Variants in PCDH15 observed in about 807,000 individuals in gnomAD.
PCDH15 encodes protocadherin-15.
Under a neutral mutation model 178.5 loss-of-function variants are expected in PCDH15, and 129 were observed. The ratio of observed to expected loss-of-function variants is 0.72; its 90% CI spans 0.63 to 0.84. The LOEUF is 0.84. Ranked by LOEUF, PCDH15 falls within the 40% of genes least tolerant of loss-of-function variation. The pLI is 0.00. For missense variants in PCDH15, 2,230 were observed against 2,099.9 expected (o/e 1.06, Z -1.21); for synonymous variants, 800 against 732.0 (o/e 1.09, Z -1.50).
intron 2 of PCDH15, among the ~76,000 whole-genome samples, chr10:54,611,546 A>G (rs1400364314): frequency 6.6e-6 from 1 of 151,892 alleles, no homozygotes; most frequent in East Asian, 1.9e-4. Flanking sequence ...CCACTAGCCA[A>G]TAGGAATCAC....
At chr10:53,958,904 AG>A (rs1016818634) in intron 23 of PCDH15, among the ~76,000 whole-genome samples, 13 of 143,664 alleles carry the variant, frequency 9.0e-5, no homozygotes, top group African/African-American at 3.3e-4. Flanking sequence ...GTGCAAACCC[AG>A]GAGGTGGAGC....
chr10:54,350,170 A>T (rs1943940394), intron 5 of PCDH15, among the ~76,000 whole-genome samples: 1 of 152,212 alleles, frequency 6.6e-6, no homozygotes, highest in South Asian at 2.1e-4. Flanking sequence ...GAAAAGCATT[A>T]GTGTAATAGC....
intron 2 of PCDH15, among the ~76,000 whole-genome samples, chr10:55,563,607 T>C (rs992755970): frequency 1.3e-5 from 2 of 151,182 alleles, no homozygotes; most frequent in African/African-American, 2.4e-5. Flanking sequence ...CAAGAAAGTA[T>C]GGCTCATTTA....
intron 2 of PCDH15, among the ~76,000 whole-genome samples, chr10:55,398,067 T>C (rs1837971831): frequency 6.6e-6 from 1 of 152,138 alleles, no homozygotes; most frequent in African/African-American, 2.4e-5. Flanking sequence ...AGTAATTCTA[T>C]ATGATATAGT....
At chr10:54,596,654 T>C (rs1210352542) in intron 2 of PCDH15, among the ~76,000 whole-genome samples, 1 of 152,066 alleles carries the variant, frequency 6.6e-6, no homozygotes, top group Non-Finnish European at 1.5e-5. Flanking sequence ...GCACAGAATG[T>C]AAGCTGGATA....
intron 1 of PCDH15, among the ~76,000 whole-genome samples, chr10:55,288,263 C>T (rs920959170): frequency 5.3e-5 from 8 of 150,014 alleles, no homozygotes; most frequent in African/African-American, 9.8e-5. Context: ...TATCTAGTAT[C>T]GAATAGACAT....
chr10:54,095,774 T>C (rs1407490673), intron 15 of PCDH15, among the ~76,000 whole-genome samples: 2 of 152,152 alleles, frequency 1.3e-5, no homozygotes, highest in African/African-American at 2.4e-5. Context: ...TAGACTTCCG[T>C]TAGATTTAGG....
chr10:54,305,536 A>C (rs1395374523), intron 8 of PCDH15, among the ~76,000 whole-genome samples: 2 of 152,086 alleles, frequency 1.3e-5, no homozygotes, highest in Non-Finnish European at 2.9e-5. Flanking sequence ...TATTTGAGCC[A>C]TCATCCTAAC....
chr10:55,352,091 C>T (rs1844952977), intron 2 of PCDH15, among the ~76,000 whole-genome samples: 1 of 152,060 alleles, frequency 6.6e-6, no homozygotes, highest in Non-Finnish European at 1.5e-5. Flanking sequence ...AATTACTCAA[C>T]TTCAAAGAGC....
intron 2 of PCDH15, among the ~76,000 whole-genome samples, chr10:55,520,052 A>G (rs1017962649): frequency 3.4e-4 from 49 of 146,012 alleles, no homozygotes; most frequent in Middle Eastern, 3.7e-3. Flanking sequence ...ATACATATAT[A>G]TATATACATA....
chr10:53,847,786 T>G (rs1036055649), intron 28 of PCDH15, among the ~76,000 whole-genome samples: 13 of 152,106 alleles, frequency 8.5e-5, no homozygotes, highest in Non-Finnish European at 1.8e-4. Flanking sequence ...CTCTGATCCT[T>G]TCTTTAACTT....
chr10:53,946,155 T>A (rs1430424835), intron 23 of PCDH15, among the ~76,000 whole-genome samples: 1 of 152,112 alleles, frequency 6.6e-6, no homozygotes, highest in Non-Finnish European at 1.5e-5. Flanking sequence ...AGAGTAACTA[T>A]TAATAAATCC....
In PCDH15 at chr10:54,439,213, G is replaced by A. The variant is rs1333394628; in HGVS notation, c.158-60271C>T. 2.0e-5 allele frequency among the ~76,000 whole-genome samples: 3 copies of A among 152,078 alleles called. No individual in the cohort carries two copies. In the East Asian group the frequency reaches 5.8e-4, roughly 29 times the overall value. Reference sequence around the variant, plus strand: ...TAGCATAAATATGTATAAGGATTCAGCAAAATGTTAGTTGACATGTGGCTA... The same window carrying A: ...TAGCATAAATATGTATAAGGATTCAACAAAATGTTAGTTGACATGTGGCTA... On this transcript the variant is annotated intron_variant, in intron 3 of 37. Transcript: ENST00000644397.
At chr10:55,068,422 T>C (rs1841622938) in intron 2 of PCDH15, among the ~76,000 whole-genome samples, 1 of 152,062 alleles carries the variant, frequency 6.6e-6, no homozygotes, top group Non-Finnish European at 1.5e-5. Context: ...AGCATGTAGA[T>C]TTCATTTTGT....
intron 1 of PCDH15, among the ~76,000 whole-genome samples, chr10:55,258,433 C>T (rs1842061102): frequency 6.6e-6 from 1 of 152,140 alleles, no homozygotes; most frequent in African/African-American, 2.4e-5. Context: ...CACATTTGTC[C>T]TTCAAGTTGC....
chr10:54,786,494 A>G (rs1950888761), intron 1 of PCDH15, among the ~76,000 whole-genome samples: 1 of 152,046 alleles, frequency 6.6e-6, no homozygotes, highest in Admixed American at 6.6e-5. Flanking sequence ...TGCTCTGTTT[A>G]TAGAAGTCAA....
At chr10:53,966,483 G>A (rs921527333) in intron 21 of PCDH15, among the ~76,000 whole-genome samples, 11 of 151,514 alleles carry the variant, frequency 7.3e-5, no homozygotes, top group African/African-American at 2.7e-4. Flanking sequence ...TAAAATAGTT[G>A]CATAAATAAG....
chr10:55,108,047 G>T (rs1837401278), intron 2 of PCDH15, among the ~76,000 whole-genome samples: 1 of 152,118 alleles, frequency 6.6e-6, no homozygotes, highest in African/African-American at 2.4e-5. Flanking sequence ...ATAAAGGGAT[G>T]AAAAGCCCAG....
rs1247006513 is a variant in PCDH15 at position 55,582,616 on chromosome 10, A to ATT, written c.-156+45008_-156+45009insAA. Among the ~76,000 whole-genome samples, 56 of 88,934 alleles carry ATT rather than the reference A, an allele frequency of 6.3e-4. 2 individuals carry two copies. Among genetic ancestry groups the ATT allele is most frequent in the African/African-American group, 1.6e-3 (27 of 17,144 alleles). 58.3% of individuals were successfully genotyped at this position (88,934 alleles called of 152,430 possible). A position where few individuals can be genotyped will look rare whatever the true frequency, so the allele number is the denominator to read the frequency against. On this transcript the variant is annotated intron_variant, in intron 2 of 5. Transcript: ENST00000613346. ...TATGTGTATATATATATATATATAT[A>ATT]TATATATATATATTTTTTTTTTTTT...
Sources: gnomAD v4.1 joint callset for allele counts (sites outside exome capture counted in the v4.1 genomes callset) on GRCh38, gnomAD v4.1.1 for gene constraint, MANE v1.5 for transcripts, NCBI Gene and HGNC (gene_info 2026-07-23, HGNC 2026-07-21) for gene names.